RPS6KA2: variants seen among roughly 807,000 people sequenced by gnomAD.
RPS6KA2 encodes ribosomal protein S6 kinase A2, also known as ribosomal protein S6 kinase alpha-2.
In RPS6KA2, 42 loss-of-function variants were observed where a neutral mutation model predicts 91.8. That is an observed-to-expected ratio of 0.46 (90% CI 0.36 to 0.59). The LOEUF is 0.59. RPS6KA2 is among the 20% of genes least tolerant of loss of function. RPS6KA2 has a pLI of 0.00. For missense variants in RPS6KA2, 798 were observed against 978.5 expected (o/e 0.82, Z 2.46); for synonymous variants, 414 against 393.6 (o/e 1.05, Z -0.61).
At chr6:166,497,414 T>C (rs1358530916) in intron 8 of RPS6KA2, among the ~76,000 whole-genome samples, 2 of 152,150 alleles carry the variant, frequency 1.3e-5, no homozygotes, top group Non-Finnish European at 2.9e-5. Context: ...ACAAACGTGA[T>C]GTGGGCATCT....
chr6:166,455,907 G>T (rs920966686), intron 12 of RPS6KA2, among the ~76,000 whole-genome samples: 1 of 152,234 alleles, frequency 6.6e-6, no homozygotes, highest in Non-Finnish European at 1.5e-5. Flanking sequence ...TTCCCTTAGG[G>T]ATTTAGACTC....
In RPS6KA2 at chr6:166,737,587, C is replaced by G. The variant is rs1790704138; in HGVS notation, c.123+120613G>C. ...CAATTAAAAACAGAATGAGCTTTTT[C>G]ACAGGAAACTACTACTGACTCCTTT... On this transcript the variant is annotated intron_variant, in intron 2 of 21. Transcript: ENST00000503859. This position sits in a 1 kb window ranked among gnomAD's most constrained non-coding sequence, Gnocchi z 4.3. Among the ~76,000 whole-genome samples, 1 of 152,168 alleles carries G rather than the reference C, an allele frequency of 6.6e-6. No homozygotes were observed. The highest frequency in any genetic ancestry group is 1.5e-5 in the Non-Finnish European group (1 of 68,022).
chr6:166,577,851 A>T (rs1160064065), intron 1 of RPS6KA2, among the ~76,000 whole-genome samples: 1 of 152,092 alleles, frequency 6.6e-6, no homozygotes, highest in Non-Finnish European at 1.5e-5. Context: ...CTCCATCCAA[A>T]TCTCATCTTG....
At chr6:166,551,539 G>A (rs530965640) in intron 1 of RPS6KA2, among the ~76,000 whole-genome samples, 1 of 152,330 alleles carries the variant, frequency 6.6e-6, no homozygotes, top group African/African-American at 2.4e-5. Context: ...GTAACGTGCA[G>A]ATCATCATTT....
At chr6:166,826,250 T>C (rs1228781992) in intron 2 of RPS6KA2, among the ~76,000 whole-genome samples, 2 of 152,226 alleles carry the variant, frequency 1.3e-5, no homozygotes, top group Non-Finnish European at 2.9e-5. Context: ...GATAGGATGT[T>C]TTTCATTTGT....
chr6:166,497,278 T>G (rs918525892), intron 8 of RPS6KA2, among the ~76,000 whole-genome samples: 6 of 152,252 alleles, frequency 3.9e-5, no homozygotes, highest in Non-Finnish European at 8.8e-5. Flanking sequence ...CTTGCTTTGC[T>G]GCAGGCATTC....
rs1443104798 is a variant in RPS6KA2, at chr6:166,853,425, G to C, written c.123+4775C>G. On this transcript the variant is annotated intron_variant, in intron 2 of 21. Coordinates refer to the RPS6KA2 transcript ENST00000503859. ...AACAGCACAGAGACCCGGGAGCCTGGGGCTGCCTGGCCCTGCACAGACTTC... is the reference window on the plus strand; with the variant it reads ...AACAGCACAGAGACCCGGGAGCCTGCGGCTGCCTGGCCCTGCACAGACTTC... Among the ~76,000 whole-genome samples the C allele has an allele frequency of 2.0e-5, 3 of 152,224 alleles. 1 individual carries two copies. Among genetic ancestry groups the C allele is most frequent in the East Asian group, 3.8e-4 (2 of 5,202 alleles).
intron 2 of RPS6KA2, among the ~76,000 whole-genome samples, chr6:166,638,956 A>G (rs1051965357): frequency 1.3e-5 from 2 of 152,340 alleles, no homozygotes; most frequent in Middle Eastern, 3.4e-3. Context: ...GGTGAGGTTG[A>G]AAAAGCTCAC....
At chr6:166,794,733 T>C (rs575531407) in intron 2 of RPS6KA2, among the ~76,000 whole-genome samples, 1 of 150,592 alleles carries the variant, frequency 6.6e-6, no homozygotes, top group East Asian at 1.9e-4. Flanking sequence ...GAAACCATCA[T>C]TCTCAGCAAA....
chr6:166,473,158 A>G (rs751890709), intron 10 of RPS6KA2, among the ~76,000 whole-genome samples: 9 of 151,932 alleles, frequency 5.9e-5, no homozygotes, highest in East Asian at 3.9e-4. Flanking sequence ...GAACTCTCAT[A>G]TCAATGACTA....
At chr6:166,757,596 C>T (rs573815241) in intron 2 of RPS6KA2, 7 of 456,100 alleles carry the variant, frequency 1.5e-5, no homozygotes, top group Middle Eastern at 3.2e-4. Context: ...CCCCAGGTCC[C>T]GGGGGCCGGG....
At chr6:166,738,585 T>C (rs1299442510) in intron 2 of RPS6KA2, among the ~76,000 whole-genome samples, 1 of 152,176 alleles carries the variant, frequency 6.6e-6, no homozygotes, top group Admixed American at 6.5e-5. Flanking sequence ...CGTGTGTAAC[T>C]GTCTTACTAG....
intron 10 of RPS6KA2, among the ~76,000 whole-genome samples, chr6:166,474,295 A>G (rs1241576756): frequency 6.6e-6 from 1 of 152,224 alleles, no homozygotes; most frequent in Non-Finnish European, 1.5e-5. Context: ...TCTGGACAGG[A>G]AAACAGTAAC....
intron 2 of RPS6KA2, among the ~76,000 whole-genome samples, chr6:166,742,364 C>T (rs1316589046): frequency 6.6e-6 from 1 of 152,180 alleles, no homozygotes; most frequent in Non-Finnish European, 1.5e-5. Flanking sequence ...GCTGAGGGAA[C>T]CCTTGGTGTG....
chr6:166,502,012 T>G (rs1334971609), intron 6 of RPS6KA2, among the ~76,000 whole-genome samples: 1 of 152,176 alleles, frequency 6.6e-6, no homozygotes, highest in Non-Finnish European at 1.5e-5. Context: ...GTATGGTCCC[T>G]AGAGGGGCCA....
At chr6:166,861,545 C>T (rs963391868) in intron 1 of RPS6KA2, among the ~76,000 whole-genome samples, 1 of 152,238 alleles carries the variant, frequency 6.6e-6, no homozygotes, top group South Asian at 2.1e-4. Context: ...CTGGGACGGG[C>T]AAGGAACACT....
intron 1 of RPS6KA2, among the ~76,000 whole-genome samples, chr6:166,613,275 C>T (rs972966438): frequency 6.6e-6 from 1 of 152,340 alleles, no homozygotes; most frequent in East Asian, 1.9e-4. Context: ...ACCATTCAGG[C>T]GGCTGGGGTG....
chr6:166,413,007 C>T (rs1004883140), intron 20 of RPS6KA2, 120 bp from the exon 21 acceptor site: 23 of 1,115,820 alleles, frequency 2.1e-5, no homozygotes, highest in Non-Finnish European at 2.8e-5. Context: ...CAGAGCTTCC[C>T]CAGGGTCCCT....
At position 166,713,319 on chromosome 6, in the gene RPS6KA2, GT is replaced by G. The variant is rs202093352; in HGVS notation, c.123+144880del. Among the ~76,000 whole-genome samples, 187 of 152,238 alleles carry G rather than the reference GT, an allele frequency of 1.2e-3. 1 individual carries two copies. The East Asian group carries it at 0.034, about 28-fold the overall frequency. On this transcript the variant is annotated intron_variant, in intron 2 of 21. Transcript: ENST00000503859. ...AGGAGGTGGGAGGGGTTTTCATTTT[GT>G]TTTGTTTTGTTTTGTTTTAATAAAG...
Sources: allele counts gnomAD v4.1 joint callset (sites outside exome capture counted in the v4.1 genomes callset), GRCh38; gene constraint gnomAD v4.1.1; non-coding constraint Gnocchi (gnomAD v3.1); transcripts MANE v1.5; gene names NCBI Gene and HGNC (gene_info 2026-07-23, HGNC 2026-07-21).